The following ZAP70 variants were observed in gnomAD, a reference collection of about 807,000 sequenced individuals.
The protein encoded by ZAP70 is zeta chain of T cell receptor associated protein kinase 70, also known as tyrosine-protein kinase ZAP-70.
A neutral mutation model predicts 65.8 loss-of-function variants in ZAP70; 27 were observed. The ratio of observed to expected loss-of-function variants is 0.41; its 90% CI spans 0.30 to 0.57. ZAP70 has a LOEUF of 0.57. Ranked by LOEUF, ZAP70 falls within the 20% of genes least tolerant of loss-of-function variation. The pLI, the probability that ZAP70 is intolerant of heterozygous loss-of-function variation, is 0.28. For synonymous variants in ZAP70, 363 were observed against 360.8 expected, an observed-to-expected ratio of 1.01 and a Z score of -0.07; for missense variants, 696 against 870.5, an observed-to-expected ratio of 0.80 and a Z score of 2.52.
At chr2:97,733,918 CT>C in intron 8 of ZAP70, 1 of 477,836 alleles carries the variant, frequency 2.1e-6, no homozygotes, top group Non-Finnish European at 3.8e-6. Flanking sequence ...CCTGACATGC[CT>C]TATGAAGTGG....
chr2:97,754,211 C>T, the ZAP70 span, among the ~76,000 whole-genome samples: 11 of 152,102 alleles, frequency 7.2e-5, no homozygotes, highest in Non-Finnish European at 1.5e-4. Flanking sequence ...ACAGAAGAGA[C>T]CCTTGTTTGT....
rs1677650872 is a variant in ZAP70 at position 97,732,550 on chromosome 2, G to C, written c.564-333G>C. ...CCAACTGTTCAGCCATGGGGGACCAGGTGTTCCCCAGTGGATGGGTGTCCC... is the reference window on the plus strand; with the variant it reads ...CCAACTGTTCAGCCATGGGGGACCACGTGTTCCCCAGTGGATGGGTGTCCC... On this transcript the variant is annotated intron_variant, in intron 4 of 13. Transcript: ENST00000264972. 2.0e-5 allele frequency among the ~76,000 whole-genome samples: 3 copies of C among 152,244 alleles called. No homozygotes were observed. The South Asian group carries it at 6.2e-4, about 31-fold the overall frequency.
downstream of ZAP70, among the ~76,000 whole-genome samples, chr2:97,741,492 G>A (rs1440482344): frequency 2.0e-5 from 3 of 151,678 alleles, no homozygotes. Flanking sequence ...TGTCCGCTAG[G>A]AAAGCTCCCC....
chr2:97,732,796 C>T (rs923034663), intron 4 of ZAP70, 87 bp from the exon 5 acceptor site: 13 of 1,577,632 alleles, frequency 8.2e-6, no homozygotes, highest in South Asian at 1.1e-5. Flanking sequence ...GGTGTGGAGC[C>T]CATAGGGTGT....
In ZAP70 at chr2:97,724,026, G is replaced by A; in HGVS notation, c.-11G>A. 6.5e-7 allele frequency: 1 copy of A among 1,546,594 alleles called. No homozygotes were observed. ...TCTGTGAACCCGCAGGTTTCGGGAG[G>A]CCCAGGGGCGATGCCAGACCCCGCG... On this transcript the variant is annotated 5_prime_UTR_variant, in exon 3 of 14. Transcript: ENST00000264972.
In ZAP70 at chr2:97,724,182, C is replaced by A; in HGVS notation, c.146C>A (p.Ser49Ter). Reference protein sequence around the residue: ...CLRSLGGYVLSLVHDVRFHHF... With the variant: ...CLRSLGGYVL Reference sequence around the variant, plus strand: ...CGCTCGCTGGGCGGCTATGTGCTGTCGCTCGTGCACGATGTGCGCTTCCAC... The same window carrying A: ...CGCTCGCTGGGCGGCTATGTGCTGTAGCTCGTGCACGATGTGCGCTTCCAC... Residue 49 changes from serine (S) to a stop codon, truncating the protein, a stop_gained, in exon 3 of 14, where the codon TCG becomes TAG. Transcript: ENST00000264972. LOFTEE classifies it high-confidence loss of function. 6.3e-7 allele frequency: 1 copy of A among 1,593,590 alleles called. No individual in the cohort carries two copies. Among genetic ancestry groups the A allele is most frequent in the South Asian group, 1.1e-5 (1 of 88,760 alleles).
chr2:97,744,433 G>A (rs571578730), downstream of ZAP70, among the ~76,000 whole-genome samples: 1 of 152,294 alleles, frequency 6.6e-6, no homozygotes, highest in East Asian at 1.9e-4. Context: ...TTAACCTTGG[G>A]GAGCTTCAGT....
rs963096996 is a variant in ZAP70, at chr2:97,715,770, A to T, written c.-22+1776A>T. 6.6e-6 allele frequency among the ~76,000 whole-genome samples: 1 copy of T among 152,186 alleles called. No individual in the cohort carries two copies. Among genetic ancestry groups the T allele is most frequent in the African/African-American group, 2.4e-5 (1 of 41,452 alleles). On this transcript the variant is annotated intron_variant, in intron 2 of 13. Coordinates refer to ENST00000264972, the MANE Select transcript of ZAP70 (RefSeq NM_001079.4). The surrounding 1 kb of genome is among the most constrained non-coding windows in gnomAD (Gnocchi z 4.1). ...AGTTTCTTTAGCTGAGGAGTGGGAT[A>T]ACAGTTCCCACCAAATGTAGTTGTG...
chr2:97,734,473 C>T (rs1400886520), intron 8 of ZAP70, 47 bp from the exon 9 acceptor site: 5 of 1,575,332 alleles, frequency 3.2e-6, no homozygotes, highest in Non-Finnish European at 4.3e-6. Context: ...GCCTTGCTCC[C>T]CACACCCCTG....
chr2:97,735,467 G>A lies in ZAP70; in HGVS notation c.1289+11G>A. ...CCTGGTCGGCAAGAGGTGAGCACCG[G>A]GTGGGCCCGGCCATCGGGTGGGTGG... On this transcript the variant is annotated intron_variant, in intron 10 of 13. Transcript: ENST00000264972. The A allele has an allele frequency of 6.2e-7, 1 of 1,604,646 alleles. No individual in the cohort carries two copies. The highest frequency in any genetic ancestry group is 8.5e-7 in the Non-Finnish European group (1 of 1,173,902).
chr2:97,740,217 C>CA (rs938532609), downstream of ZAP70, among the ~76,000 whole-genome samples: 2 of 152,058 alleles, frequency 1.3e-5, no homozygotes, highest in African/African-American at 4.8e-5. Context: ...TTCACCCCCC[C>CA]AGGGGTGCCT....
intron 4 of ZAP70, among the ~76,000 whole-genome samples, chr2:97,728,973 G>A (rs1428854035): frequency 1.3e-5 from 2 of 152,164 alleles, no homozygotes; most frequent in Non-Finnish European, 2.9e-5. Context: ...GGCTGGTCTC[G>A]AACTCCTGAC....
intron 2 of ZAP70, among the ~76,000 whole-genome samples, chr2:97,714,628 G>C (rs1676837086): frequency 1.3e-5 from 2 of 152,232 alleles, no homozygotes; most frequent in South Asian, 4.1e-4. Context: ...TGTGTCCCAG[G>C]TAGGAAGCAT....
chr2:97,749,960 G>T, the ZAP70 span, among the ~76,000 whole-genome samples: 1 of 152,222 alleles, frequency 6.6e-6, no homozygotes, highest in Non-Finnish European at 1.5e-5. Context: ...CATTTCTAGG[G>T]GTTTAACACT....
Position 97,734,549 on chromosome 2 carries a change from C to A in ZAP70, c.919C>A (p.Pro307Thr). ...CATAACGTCCCCAGACAAACCGCGG[C>A]CGATGCCCATGGACACGAGCGTGTA... is the stretch of plus-strand genomic sequence containing the variant. ...ARITSPDKPR[P>T]MPMDTSVYES... is the part of the protein sequence containing the mutation. Residue 307 changes from proline to threonine, a missense_variant, in exon 9 of 14, where the codon CCG (proline) becomes ACG (threonine). This residue lies in a region of ZAP70 where 551 missense variants were observed against 630.0 expected (regional missense o/e 0.87). Transcript: ENST00000264972. 1 of 1,614,080 alleles carries A rather than the reference C, an allele frequency of 6.2e-7. No homozygotes were observed. The highest frequency in any genetic ancestry group is 8.5e-7 in the Non-Finnish European group (1 of 1,180,008).
chr2:97,755,566 CCT>C, the ZAP70 span, among the ~76,000 whole-genome samples: 8 of 152,198 alleles, frequency 5.3e-5, no homozygotes, highest in Non-Finnish European at 1.2e-4. Context: ...ACCCCCAGCC[CCT>C]GTGCCATAGC....
intron 4 of ZAP70, among the ~76,000 whole-genome samples, chr2:97,729,921 T>TG (rs368588211): frequency 6.8e-4 from 104 of 152,266 alleles, no homozygotes; most frequent in African/African-American, 2.5e-3. Context: ...TGAAATGTAG[T>TG]GGCTTAAAAC....
rs574977894 is a variant in ZAP70, at chr2:97,739,240, C to T, written c.1737-135C>T. The T allele has an allele frequency of 3.4e-4, 476 of 1,399,356 alleles. 6 individuals carry two copies. The East Asian group carries it at 5.3e-3, about 15-fold the overall frequency. The allele number at this position is 1,399,356 out of a possible 1,614,324, so 86.7% of individuals were successfully genotyped here. ...GAGTCCTCTCCACCACCCAATGTCC[C>T]GCCACCCCAACAGCCCTGCTGACTT... is the stretch of plus-strand genomic sequence containing the variant. On this transcript the variant is annotated intron_variant, in intron 13 of 13. Transcript: ENST00000264972.
At chr2:97,755,968 G>T in the ZAP70 span, among the ~76,000 whole-genome samples, 2 of 152,218 alleles carry the variant, frequency 1.3e-5, no homozygotes, top group Admixed American at 6.5e-5. Flanking sequence ...GCCCAGCCAG[G>T]TTCCTCAAGT....
Sources: gnomAD v4.1 joint callset for allele counts (sites outside exome capture counted in the v4.1 genomes callset) on GRCh38, gnomAD v4.1.1 for gene constraint, gnomAD v4.1.1 regional missense constraint, Gnocchi (gnomAD v3.1) non-coding constraint, MANE v1.5 for transcripts, NCBI Gene and HGNC (gene_info 2026-07-23, HGNC 2026-07-21) for gene names.